Variants in AVEN observed in about 807,000 individuals in gnomAD.
AVEN encodes the protein apoptosis and caspase activation inhibitor.
A neutral mutation model predicts 38.1 loss-of-function variants in AVEN; 41 were observed. The observed-to-expected ratio is 1.08, with a 90% CI of 0.84 to 1.40. The LOEUF (loss-of-function observed/expected upper bound fraction) is 1.40, where lower values mean the gene tolerates loss of function less well. Ranked by LOEUF, AVEN falls within the 40% of genes most tolerant of loss-of-function variation. The probability of loss-of-function intolerance (pLI) is 0.00; values close to 1 mark genes in which losing one functional copy is unlikely to be tolerated. For synonymous variants in AVEN, 206 were observed against 171.8 expected (o/e 1.20, Z -1.56); for missense variants, 605 against 438.8 (o/e 1.38, Z -3.38).
intron 5 of AVEN, among the ~76,000 whole-genome samples, chr15:34,057,433 T>C (rs1256857082): frequency 6.6e-6 from 1 of 152,144 alleles, no homozygotes; most frequent in African/African-American, 2.4e-5. Flanking sequence ...TGAGCCACTG[T>C]GCCCAGCCAG....
At chr15:34,005,736 C>T (rs1400893216) in intron 1 of AVEN, among the ~76,000 whole-genome samples, 2 of 152,192 alleles carry the variant, frequency 1.3e-5, no homozygotes, top group Admixed American at 1.3e-4. Context: ...ATTCACTTAA[C>T]AAATTTAACA....
intron 1 of AVEN, among the ~76,000 whole-genome samples, chr15:34,014,367 T>TTAAAA (rs1555516100): frequency 1.5e-4 from 2 of 13,574 alleles, no homozygotes; most frequent in African/African-American, 3.4e-4. Context: ...TCCATCTCAT[T>TTAAAA]AAAAAAAAAA....
At chr15:33,979,470 G>T (rs529362550) in intron 2 of AVEN, among the ~76,000 whole-genome samples, 42 of 152,266 alleles carry the variant, frequency 2.8e-4, no homozygotes, top group African/African-American at 8.9e-4. Flanking sequence ...GGGCAACAAA[G>T]CAAGACCCTG....
rs1449785629 is a variant in AVEN, at chr15:33,915,397, C to T, written c.446-39402G>A. Among the ~76,000 whole-genome samples the T allele has an allele frequency of 3.3e-5, 5 of 152,288 alleles. No individual in the cohort carries two copies. In the East Asian group the frequency reaches 9.6e-4, roughly 29 times the overall value. ...GATCATCCACCCCCAAGCACACACCCTCACTGGGGAACATGAAGGTCCAGA... is the reference window on the plus strand; with the variant it reads ...GATCATCCACCCCCAAGCACACACCTTCACTGGGGAACATGAAGGTCCAGA... On this transcript the variant is annotated intron_variant, in intron 2 of 5. Coordinates refer to ENST00000306730, the MANE Select transcript of AVEN (RefSeq NM_020371.3).
At chr15:33,965,094 A>T (rs1236857820) in intron 2 of AVEN, among the ~76,000 whole-genome samples, 2 of 152,204 alleles carry the variant, frequency 1.3e-5, no homozygotes, top group African/African-American at 2.4e-5. Flanking sequence ...AGCTGTTAAA[A>T]ATTATGCATT....
downstream of AVEN, chr15:33,865,791 G>T (rs528689034): frequency 9.8e-5 from 15 of 153,032 alleles, no homozygotes; most frequent in Admixed American, 9.1e-4. Flanking sequence ...AACCTCTTTA[G>T]ACATAGCTAT....
At chr15:33,904,910 A>G (rs1892638438) in intron 2 of AVEN, among the ~76,000 whole-genome samples, 1 of 151,402 alleles carries the variant, frequency 6.6e-6, no homozygotes, top group Admixed American at 6.6e-5. Flanking sequence ...CGGGTGGATC[A>G]CCTCAGGTCA....
At chr15:34,066,251 T>C (rs886214090) in intron 3 of AVEN, 1 of 152,252 alleles carries the variant, frequency 6.6e-6, no homozygotes, top group African/African-American at 2.4e-5. Context: ...TGTGACTTCA[T>C]GAGCAAACCT....
Position 33,961,548 on chromosome 15 carries a change from TC to T in AVEN, c.445+41483del, listed in dbSNP as rs201238820. Among the ~76,000 whole-genome samples the T allele has an allele frequency of 5.1e-3, 771 of 151,742 alleles. 7 individuals are homozygous for T. Among genetic ancestry groups the T allele is most frequent in the South Asian group, 0.015 (72 of 4,754 alleles). ...AAGTGTCTGCACTGGGTGAGGTGGC[TC>T]ATGCCTGTAATCCCAGCACTTTGGG... On this transcript the variant is annotated intron_variant, in intron 2 of 5. Coordinates refer to ENST00000306730, the MANE Select transcript of AVEN (RefSeq NM_020371.3).
Position 34,063,384 on chromosome 15 carries a change from C to T in AVEN, n.1175G>A, listed in dbSNP as rs1482092786. 6.2e-7 allele frequency: 1 copy of T among 1,614,032 alleles called. No homozygotes were observed. The highest frequency in any genetic ancestry group is 8.5e-7 in the Non-Finnish European group (1 of 1,180,022). Reference sequence around the variant, plus strand: ...TCGAATCTACCGGGAAACAGAGAAGCGAACCAAGGACCTGGCTGACCTCCA... The same window carrying T: ...TCGAATCTACCGGGAAACAGAGAAGTGAACCAAGGACCTGGCTGACCTCCA... On this transcript the variant is annotated non_coding_transcript_exon_variant, in exon 5 of 12. Coordinates refer to the AVEN transcript ENST00000675287. This position sits in a 1 kb window ranked among gnomAD's most constrained non-coding sequence, Gnocchi z 4.1.
intron 2 of AVEN, among the ~76,000 whole-genome samples, chr15:33,999,489 T>A (rs1897058170): frequency 6.6e-6 from 1 of 152,216 alleles, no homozygotes; most frequent in South Asian, 2.1e-4. Context: ...TCACTTTTAA[T>A]ACATGCAACA....
intron 1 of AVEN, among the ~76,000 whole-genome samples, chr15:34,025,106 G>A (rs1898397006): frequency 6.6e-6 from 1 of 151,996 alleles, no homozygotes; most frequent in Admixed American, 6.6e-5. Flanking sequence ...GGAGGCAGAG[G>A]ATGCAATAAG....
downstream of AVEN, among the ~76,000 whole-genome samples, chr15:33,862,619 TG>T (rs1481419698): frequency 6.6e-6 from 1 of 152,160 alleles, no homozygotes; most frequent in African/African-American, 2.4e-5. Context: ...ACATGAGTTT[TG>T]TTTTTTTATT....
At chr15:34,058,691 G>A (rs1198888800) in intron 5 of AVEN, among the ~76,000 whole-genome samples, 1 of 151,564 alleles carries the variant, frequency 6.6e-6, no homozygotes, top group Non-Finnish European at 1.5e-5. Flanking sequence ...CTTTCTTCAG[G>A]CCTTCTCTGC....
intron 1 of AVEN, among the ~76,000 whole-genome samples, chr15:34,014,256 T>C (rs573268965): frequency 6.6e-6 from 1 of 150,778 alleles, no homozygotes; most frequent in South Asian, 2.1e-4. Context: ...CCCAGCTACT[T>C]GGGAGGCTGA....
intron 2 of AVEN, among the ~76,000 whole-genome samples, chr15:33,886,878 G>T (rs542443810): frequency 1.3e-5 from 2 of 152,302 alleles, no homozygotes; most frequent in Non-Finnish European, 2.9e-5. Context: ...CCATGCCTGG[G>T]GAGGCCCTTC....
At chr15:33,917,767 T>G (rs891246088) in intron 2 of AVEN, among the ~76,000 whole-genome samples, 1 of 152,102 alleles carries the variant, frequency 6.6e-6, no homozygotes, top group African/African-American at 2.4e-5. Flanking sequence ...TTCTCACTCA[T>G]AAGTGGGAGC....
At chr15:34,061,322 GTTAA>G (rs1435485185) in intron 5 of AVEN, among the ~76,000 whole-genome samples, 2 of 152,054 alleles carry the variant, frequency 1.3e-5, no homozygotes, top group Non-Finnish European at 2.9e-5. Flanking sequence ...TCAACAGAGG[GTTAA>G]TTAAATATAG....
the AVEN span, chr15:33,853,118 GATCACCAAAAA>G: frequency 1.9e-6 from 3 of 1,540,434 alleles, no homozygotes; most frequent in Non-Finnish European, 2.6e-6. Flanking sequence ...TGAGTTCCGT[GATCACCAAAAA>G]ATGTGGTGTA....
Sources: gnomAD v4.1 joint callset for allele counts (sites outside exome capture counted in the v4.1 genomes callset) on GRCh38, gnomAD v4.1.1 for gene constraint, Gnocchi (gnomAD v3.1) non-coding constraint, MANE v1.5 for transcripts, NCBI Gene and HGNC (gene_info 2026-07-23, HGNC 2026-07-21) for gene names.